Variants in RFFL observed in about 807,000 individuals in gnomAD.
RFFL encodes E3 ubiquitin-protein ligase rififylin.
Under a neutral mutation model 40.4 loss-of-function variants are expected in RFFL, and 16 were observed. The observed-to-expected ratio is 0.40, with a 90% CI of 0.27 to 0.60. RFFL has a LOEUF of 0.60. Ranked by LOEUF, RFFL falls within the 20% of genes least tolerant of loss-of-function variation. The pLI, the probability that RFFL is intolerant of heterozygous loss-of-function variation, is 0.47. For missense variants in RFFL, 367 were observed against 451.7 expected, an observed-to-expected ratio of 0.81 and a Z score of 1.70; for synonymous variants, 154 against 167.9, an observed-to-expected ratio of 0.92 and a Z score of 0.64.
chr17:35,019,585 C>T (rs893664582), intron 3 of RFFL, among the ~76,000 whole-genome samples: 3 of 151,902 alleles, frequency 2.0e-5, no homozygotes, highest in Non-Finnish European at 4.4e-5. Context: ...TGTTGCCAGG[C>T]TAGTCTCAAA....
chr17:35,069,548 A>C (rs2142376055), intron 1 of RFFL: 1 of 316,438 alleles, frequency 3.2e-6, no homozygotes, highest in African/African-American at 2.2e-5. Context: ...CTTCAGTAGT[A>C]CTTAGGAAAA....
intron 1 of RFFL, chr17:35,069,347 G>C (rs1417674493): frequency 2.2e-6 from 1 of 456,586 alleles, no homozygotes; most frequent in Non-Finnish European, 4.4e-6. Context: ...GTTTCATCTT[G>C]AAGGGTGATT....
Position 35,005,992 on chromosome 17 carries a change from G to T in RFFL, c.*5976C>A. ...TTGATAATACCAACAATGTTGAGTG[G>T]CATTTTCTTCTTAGTTTTTAATTTC... is the stretch of plus-strand genomic sequence containing the variant. On this transcript the variant is annotated 3_prime_UTR_variant, in exon 7 of 7. Coordinates refer to ENST00000394597, the MANE Select transcript of RFFL (RefSeq NM_001017368.2). 4.1e-6 allele frequency: 1 copy of T among 242,400 alleles called. No homozygotes were observed. 15.0% of individuals were successfully genotyped at this position (242,400 alleles called of 1,614,324 possible).
chr17:35,014,057 C>T (rs143678674), intron 6 of RFFL, among the ~76,000 whole-genome samples: 7 of 152,312 alleles, frequency 4.6e-5, no homozygotes, highest in African/African-American at 1.7e-4. Flanking sequence ...AGAACGTTCT[C>T]TCTTGGAAGG....
intron 1 of RFFL, chr17:35,088,731 C>T (rs982048541): frequency 2.0e-5 from 3 of 152,284 alleles, no homozygotes; most frequent in Non-Finnish European, 4.4e-5. Flanking sequence ...GTAAGCAGGC[C>T]GCCGCGGACC....
chr17:35,067,179 G>A (rs1241177904), upstream of RFFL, among the ~76,000 whole-genome samples: 2 of 150,264 alleles, frequency 1.3e-5, no homozygotes, highest in Non-Finnish European at 3.0e-5. Flanking sequence ...GTGCAATGGT[G>A]CAATCTCAGC....
Position 35,006,368 on chromosome 17 carries a change from CG to C in RFFL, c.*5599del, listed in dbSNP as rs2142299319. ...CCACACTGGACAGTGCAGGTGTAGA[CG>C]GAGTTCAGATCAGACTCCTGAAACT... On this transcript the variant is annotated 3_prime_UTR_variant, in exon 7 of 7. Coordinates refer to ENST00000394597, the MANE Select transcript of RFFL (RefSeq NM_001017368.2). 6.6e-6 allele frequency: 1 copy of C among 152,458 alleles called. No homozygotes were observed. The highest frequency in any genetic ancestry group is 1.5e-5 in the Non-Finnish European group (1 of 68,204). The allele number at this position is 152,458 out of a possible 1,614,324, so 9.4% of individuals were successfully genotyped here.
intron 2 of RFFL, among the ~76,000 whole-genome samples, chr17:35,024,142 G>T (rs374426037): frequency 5.3e-5 from 8 of 152,264 alleles, no homozygotes; most frequent in African/African-American, 1.7e-4. Context: ...TGGCCGTGGC[G>T]CCTCAGGCCG....
intron 1 of RFFL, among the ~76,000 whole-genome samples, chr17:35,044,875 C>A (rs1597828352): frequency 2.3e-5 from 2 of 85,970 alleles, no homozygotes; most frequent in South Asian, 7.3e-4. Flanking sequence ...GCTCTCATAA[C>A]ATTTTTTTTT....
At position 35,012,097 on chromosome 17, in the gene RFFL, G is replaced by A. The variant is rs1482074518; in HGVS notation, c.963C>T (p.Asp321=). 1 of 1,614,062 alleles carries A rather than the reference G, an allele frequency of 6.2e-7. No homozygotes were observed. The highest frequency in any genetic ancestry group is 1.7e-5 in the Admixed American group (1 of 60,006). The change falls in exon 7 of 7, where the codon GAC becomes GAT. Residue 321 remains aspartate, a synonymous_variant. Transcript: ENST00000394597. ...LEENLCKICM[D]SPIDCVLLEC... is the part of the protein sequence containing the mutation. ...CCAGAAGAACACAGTCAATGGGTGA[G>A]TCCATGCAGATCTTACACAGGTTCT...
At chr17:35,042,185 A>G (rs1373724136) in intron 1 of RFFL, 1 of 152,174 alleles carries the variant, frequency 6.6e-6, no homozygotes, top group African/African-American at 2.4e-5. Context: ...CAACAGCATA[A>G]TTAAAAAATC....
intron 1 of RFFL, among the ~76,000 whole-genome samples, chr17:35,077,932 A>C (rs1483430920): frequency 6.6e-6 from 1 of 152,230 alleles, no homozygotes; most frequent in Non-Finnish European, 1.5e-5. Context: ...CAAGAGTCAA[A>C]TAACTAGCTG....
chr17:35,036,107 G>A (rs912596176), intron 1 of RFFL, among the ~76,000 whole-genome samples: 6 of 152,144 alleles, frequency 3.9e-5, no homozygotes, highest in Admixed American at 6.6e-5. Flanking sequence ...TAACAACTAC[G>A]TTCAGGGTTA....
intron 1 of RFFL, among the ~76,000 whole-genome samples, chr17:35,031,487 G>T (rs1164243743): frequency 6.6e-6 from 1 of 151,982 alleles, no homozygotes; most frequent in African/African-American, 2.4e-5. Flanking sequence ...GCTGTTTCCA[G>T]TGCTAGGTAA....
chr17:35,032,302 T>C (rs1280426261), intron 1 of RFFL, among the ~76,000 whole-genome samples: 2 of 151,958 alleles, frequency 1.3e-5, no homozygotes, highest in African/African-American at 2.4e-5. Context: ...TGCACACTTA[T>C]AAGCAGTGTG....
In RFFL at chr17:35,007,695, GC is replaced by G. The variant is rs1404000812; in HGVS notation, c.*4272del. The G allele has an allele frequency of 1.3e-5, 2 of 151,916 alleles. No homozygotes were observed. Among genetic ancestry groups the G allele is most frequent in the Non-Finnish European group, 2.9e-5 (2 of 68,026 alleles). 9.4% of individuals were successfully genotyped at this position (151,916 alleles called of 1,614,324 possible). A position where few individuals can be genotyped will look rare whatever the true frequency, so the allele number is the denominator to read the frequency against. On this transcript the variant is annotated 3_prime_UTR_variant, in exon 7 of 7. Coordinates refer to ENST00000394597, the MANE Select transcript of RFFL (RefSeq NM_001017368.2). ...CGCCTGGTCAGGGAGGTTTGTACAAGCCTGCGCACACACAGCAGTCTGTCAC... is the reference window on the plus strand; with the variant it reads ...CGCCTGGTCAGGGAGGTTTGTACAAGCTGCGCACACACAGCAGTCTGTCAC...
At position 35,007,080 on chromosome 17, in the gene RFFL, C is replaced by CCAAA. The variant is rs1011544135; in HGVS notation, c.*4884_*4887dup. The CCAAA allele has an allele frequency of 6.6e-6, 1 of 152,272 alleles. No homozygotes were observed. The highest frequency in any genetic ancestry group is 2.4e-5 in the African/African-American group (1 of 41,458). The allele number at this position is 152,272 out of a possible 1,614,324, so 9.4% of individuals were successfully genotyped here. On this transcript the variant is annotated 3_prime_UTR_variant, in exon 7 of 7. Transcript: ENST00000394597. ...TTCCATTTCTCTCTTCAGCCTCAGG[C>CCAAA]CAAACAAACAACCGGACAGGGCAGC... is the stretch of plus-strand genomic sequence containing the variant.
chr17:35,073,036 T>G (rs1209192289), intron 1 of RFFL, among the ~76,000 whole-genome samples: 1 of 105,478 alleles, frequency 9.5e-6, no homozygotes, highest in Non-Finnish European at 1.9e-5. Context: ...AGAGTGAAAC[T>G]CCGTCTCAAA....
Position 35,033,913 on chromosome 17 carries a change from T to A in RFFL, c.-8-7352A>T, listed in dbSNP as rs529765366. On this transcript the variant is annotated intron_variant, in intron 1 of 6. Coordinates refer to ENST00000394597, the MANE Select transcript of RFFL (RefSeq NM_001017368.2). ...ATCCCAGCACTCTGGGAGGCCGAGG[T>A]GGGCGGATCACGAGGTCAGGAGATC... Among the ~76,000 whole-genome samples the A allele has an allele frequency of 2.6e-5, 4 of 151,710 alleles. No individual in the cohort carries two copies. The East Asian group carries it at 7.8e-4, about 29-fold the overall frequency.
Sources: allele counts gnomAD v4.1 joint callset (sites outside exome capture counted in the v4.1 genomes callset), GRCh38; gene constraint gnomAD v4.1.1; transcripts MANE v1.5; gene names NCBI Gene and HGNC (gene_info 2026-07-23, HGNC 2026-07-21).